The following TENM4 variants were observed in gnomAD, a reference collection of about 807,000 sequenced individuals.
The protein encoded by TENM4 is teneurin transmembrane protein 4, also known as teneurin-4.
TENM4 carries 82 observed loss-of-function variants against 243.3 expected under a neutral mutation model. That is an observed-to-expected ratio of 0.34 (90% confidence interval 0.28 to 0.40). The LOEUF (loss-of-function observed/expected upper bound fraction) is 0.40. TENM4 is among the 10% of genes least tolerant of loss of function. The pLI is 1.00. For synonymous variants in TENM4, 1,412 were observed against 1,456.3 expected (o/e 0.97, Z 0.69); for missense variants, 3,138 against 3,673.3 (o/e 0.85, Z 3.77).
chr11:79,387,740 C>T (rs915754896), intron 1 of TENM4, among the ~76,000 whole-genome samples: 6 of 152,214 alleles, frequency 3.9e-5, no homozygotes, highest in African/African-American at 1.4e-4. Flanking sequence ...TGTGGTGGCT[C>T]ATGCCTGTAA....
intron 2 of TENM4, among the ~76,000 whole-genome samples, chr11:79,231,550 T>C (rs558679201): frequency 3.9e-5 from 6 of 152,300 alleles, no homozygotes; most frequent in African/African-American, 9.6e-5. Context: ...GGGGCTTACA[T>C]CCAGGGCATC....
intron 15 of TENM4, among the ~76,000 whole-genome samples, chr11:78,805,015 G>A (rs1857358499): frequency 6.6e-6 from 1 of 152,008 alleles, no homozygotes; most frequent in South Asian, 2.1e-4. Context: ...ATGAGAGTTC[G>A]GTGAAACACA....
chr11:78,692,226 G>C (rs1858845270), intron 28 of TENM4, among the ~76,000 whole-genome samples: 1 of 152,156 alleles, frequency 6.6e-6, no homozygotes, highest in African/African-American at 2.4e-5. Context: ...TAACCAAGAG[G>C]AATGAAATGA....
chr11:79,327,649 CTTTTTTTTT>C lies in TENM4; in HGVS notation c.-320-30115_-320-30107del, dbSNP rs11408549. The stretch of plus-strand genomic sequence containing the variant: ...ATAAAGCAGAGTCAGAATTGGAAAG[CTTTTTTTTT>C]TTTTTTTTTTTTAACCTCCAAGTCC... On this transcript the variant is annotated intron_variant, in intron 1 of 33. Transcript: ENST00000278550. Among the ~76,000 whole-genome samples, 125 of 119,794 alleles carry C rather than the reference CTTTTTTTTT, an allele frequency of 1.0e-3. 7 individuals are homozygous for C. The South Asian group carries it at 0.026, about 25-fold the overall frequency. The allele number at this position is 119,794 out of a possible 152,430, so 78.6% of individuals were successfully genotyped here.
chr11:79,061,897 G>A (rs1464053500), intron 6 of TENM4, among the ~76,000 whole-genome samples: 1 of 152,100 alleles, frequency 6.6e-6, no homozygotes. Context: ...GGTTGTAGGG[G>A]GAGTAAATGA....
chr11:79,325,881 G>GA (rs1407110322), intron 1 of TENM4, among the ~76,000 whole-genome samples: 2 of 152,198 alleles, frequency 1.3e-5, no homozygotes, highest in Non-Finnish European at 2.9e-5. Context: ...AAGAGAGCAT[G>GA]AAACACCAGC....
chr11:78,741,676 C>A (rs1378101633), intron 19 of TENM4, among the ~76,000 whole-genome samples: 2 of 152,178 alleles, frequency 1.3e-5, no homozygotes, highest in African/African-American at 4.8e-5. Context: ...ATAATCAGTT[C>A]TTGCGAACTG....
chr11:78,898,171 C>G (rs1198669724), intron 7 of TENM4, among the ~76,000 whole-genome samples: 1 of 152,152 alleles, frequency 6.6e-6, no homozygotes, highest in East Asian at 1.9e-4. Flanking sequence ...AAAGGGAGCA[C>G]AGGTAGGCCC....
intron 4 of TENM4, among the ~76,000 whole-genome samples, chr11:79,085,251 C>A (rs939955350): frequency 6.6e-6 from 1 of 151,698 alleles, no homozygotes; most frequent in African/African-American, 2.4e-5. Flanking sequence ...GTGGCGGGCA[C>A]CTGTAGTTCC....
intron 28 of TENM4, among the ~76,000 whole-genome samples, chr11:78,695,948 T>C (rs1028527397): frequency 1.3e-5 from 2 of 151,996 alleles, no homozygotes; most frequent in Non-Finnish European, 2.9e-5. Flanking sequence ...TGGGTAATTC[T>C]CTGCCATTAT....
At chr11:78,685,529 C>T (rs144373902) in intron 29 of TENM4, among the ~76,000 whole-genome samples, 2 of 152,294 alleles carry the variant, frequency 1.3e-5, no homozygotes, top group African/African-American at 4.8e-5. Flanking sequence ...AATGTGTCCA[C>T]GTATGCCTTT....
rs756534663 is a variant in TENM4, at chr11:78,701,575, C to T, written c.5038G>A (p.Gly1680Ser). Residue 1680 changes from glycine to serine, a missense_variant, in exon 28 of 34, where the codon GGC becomes AGC. Physicochemically the swap from Gly to Ser is moderately conservative, Grantham distance 56 (BLOSUM62 0). This residue lies in a region of TENM4 where 2,467 missense variants were observed against 3,059.1 expected (regional missense o/e 0.81). Coordinates refer to ENST00000278550, the MANE Select transcript of TENM4 (RefSeq NM_001098816.3). The stretch of plus-strand genomic sequence containing the variant: ...TCATTGCTTTTGGTTGCCAGAAGGC[C>T]GGAATTGCCATGGTATGTCATCATG... The part of the protein sequence containing the change: ...LAMMTYHGNS[G>S]LLATKSNENG... The T allele has an allele frequency of 3.6e-5, 58 of 1,600,388 alleles. No individual in the cohort carries two copies. Among genetic ancestry groups the T allele is most frequent in the Middle Eastern group, 1.7e-4 (1 of 6,038 alleles).
At chr11:78,878,024 T>A (rs1267987853) in intron 9 of TENM4, among the ~76,000 whole-genome samples, 1 of 152,196 alleles carries the variant, frequency 6.6e-6, no homozygotes, top group Non-Finnish European at 1.5e-5. Context: ...GCCGGCTATG[T>A]TTCAGCAGCC....
chr11:79,264,120 T>C lies in TENM4; in HGVS notation c.-265+33368A>G, dbSNP rs190579212. On this transcript the variant is annotated intron_variant, in intron 2 of 33. Transcript: ENST00000278550. ...ACTGCAAGCGCCGTTTTGCTGATGC[T>C]GACCATTGCTCTTACTTATCAGTGT... Among the ~76,000 whole-genome samples the C allele has an allele frequency of 4.0e-3, 614 of 152,298 alleles. 6 individuals carry two copies. The highest frequency in any genetic ancestry group is 5.8e-3 in the Non-Finnish European group (394 of 68,028).
chr11:78,920,536 G>A (rs965439529), intron 6 of TENM4, among the ~76,000 whole-genome samples: 1 of 152,072 alleles, frequency 6.6e-6, no homozygotes, highest in East Asian at 1.9e-4. Flanking sequence ...TCACGGTCTC[G>A]TCCTCTCGCT....
At position 79,171,450 on chromosome 11, in the gene TENM4, G is replaced by A. The variant is rs149431651; in HGVS notation, c.-162-22644C>T. Among the ~76,000 whole-genome samples, 105 of 152,328 alleles carry A rather than the reference G, an allele frequency of 6.9e-4. 1 individual carries two copies. The highest frequency in any genetic ancestry group is 2.5e-3 in the African/African-American group (102 of 41,578). On this transcript the variant is annotated intron_variant, in intron 3 of 33. Transcript: ENST00000278550. ...GGAAACCCAGCCATGGAAACGCTGT[G>A]GAGTAGAAAGTAAGTGGTTAGTGCC...
intron 4 of TENM4, among the ~76,000 whole-genome samples, chr11:79,132,345 C>CAAAAA (rs569082783): frequency 0.012 from 594 of 49,912 alleles, 28 homozygotes; most frequent in East Asian, 0.068. Flanking sequence ...GACTCCAACT[C>CAAAAA]AAAAAAAAAA....
At chr11:78,691,728 G>A (rs531670333) in intron 28 of TENM4, among the ~76,000 whole-genome samples, 1 of 151,976 alleles carries the variant, frequency 6.6e-6, no homozygotes, top group Non-Finnish European at 1.5e-5. Context: ...TATATGAGAG[G>A]GTCAAAAAAA....
chr11:78,709,117 G>A (rs1312275952), intron 26 of TENM4, among the ~76,000 whole-genome samples: 6 of 147,336 alleles, frequency 4.1e-5, no homozygotes, highest in Admixed American at 6.8e-5. Flanking sequence ...ACAGGCATGC[G>A]CCACCATGCC....
Sources: gnomAD v4.1 joint callset for allele counts (sites outside exome capture counted in the v4.1 genomes callset) on GRCh38, gnomAD v4.1.1 for gene constraint, gnomAD v4.1.1 regional missense constraint, MANE v1.5 for transcripts, NCBI Gene and HGNC (gene_info 2026-07-23, HGNC 2026-07-21) for gene names.